Variants in ATXN8OS observed in about 807,000 individuals in gnomAD.
The protein encoded by ATXN8OS is ATXN8 opposite strand lncRNA, also known as ATXN8 opposite strand (non-protein coding).
At chr13:70,132,542 T>C (rs1593764583) in intron 3 of ATXN8OS, among the ~76,000 whole-genome samples, 1 of 151,882 alleles carries the variant, frequency 6.6e-6, no homozygotes, top group East Asian at 1.9e-4. Flanking sequence ...ACAGAATCAT[T>C]CTTATCCTAA....
At chr13:70,115,762 T>G (rs992689150) in intron 2 of ATXN8OS, among the ~76,000 whole-genome samples, 8 of 152,112 alleles carry the variant, frequency 5.3e-5, no homozygotes, top group African/African-American at 1.7e-4. Flanking sequence ...AGGAAACATA[T>G]AATACTTTTT....
intron 3 of ATXN8OS, among the ~76,000 whole-genome samples, chr13:70,146,485 T>C (rs920546565): frequency 2.6e-5 from 4 of 152,150 alleles, no homozygotes; most frequent in African/African-American, 9.7e-5. Context: ...TGTGTCACTA[T>C]TCACAATAGC....
chr13:70,124,534 T>G (rs1355819475), intron 2 of ATXN8OS, among the ~76,000 whole-genome samples: 2 of 151,990 alleles, frequency 1.3e-5, no homozygotes, highest in South Asian at 2.1e-4. Context: ...GGGAAGCAAT[T>G]GAAAAGACTT....
intron 4 of ATXN8OS, among the ~76,000 whole-genome samples, chr13:70,167,720 C>CTTTTTTTTTTTT (rs1356536326): frequency 1.1e-5 from 1 of 87,348 alleles, no homozygotes; most frequent in African/African-American, 4.5e-5. Context: ...ACATATGTAA[C>CTTTTTTTTTTTT]TTCTTTTTTT....
chr13:70,125,649 G>A (rs1006999117), intron 2 of ATXN8OS, among the ~76,000 whole-genome samples: 4 of 152,058 alleles, frequency 2.6e-5, no homozygotes, highest in Non-Finnish European at 5.9e-5. Flanking sequence ...GTGAGCTTTT[G>A]TTTTCTTTTA....
chr13:70,143,662 A>T (rs754859720), intron 3 of ATXN8OS, among the ~76,000 whole-genome samples: 1 of 152,106 alleles, frequency 6.6e-6, no homozygotes, highest in Non-Finnish European at 1.5e-5. Flanking sequence ...CCTCTGTTTT[A>T]TATTTTCTGC....
chr13:70,123,812 A>G (rs1888392715), intron 2 of ATXN8OS, among the ~76,000 whole-genome samples: 1 of 152,088 alleles, frequency 6.6e-6, no homozygotes, highest in Non-Finnish European at 1.5e-5. Flanking sequence ...CAAGGATCTC[A>G]CTTTTTGAAT....
rs147925405 is a variant in ATXN8OS at position 70,116,231 on chromosome 13, A to C, written n.398+933A>C. Among the ~76,000 whole-genome samples, 118 of 152,234 alleles carry C rather than the reference A, an allele frequency of 7.8e-4. 2 individuals carry two copies. In the East Asian group the frequency reaches 0.021, roughly 27 times the overall value. ...ATTCTTGAGGTGAGAGATAGAAACT[A>C]AAATTCAACAAATAGTAAGTGTATC... On this transcript the variant is annotated intron_variant and non_coding_transcript_variant, in intron 2 of 4. Transcript: ENST00000678624.
At chr13:70,147,259 C>T (rs1888798839) in intron 3 of ATXN8OS, among the ~76,000 whole-genome samples, 1 of 152,060 alleles carries the variant, frequency 6.6e-6, no homozygotes, top group African/African-American at 2.4e-5. Context: ...ATTAAACTTC[C>T]CATGATGTGA....
intron 1 of ATXN8OS, among the ~76,000 whole-genome samples, chr13:70,114,450 A>T (rs1043806408): frequency 3.3e-5 from 5 of 152,204 alleles, no homozygotes; most frequent in African/African-American, 4.8e-5. Flanking sequence ...AAGCATACAT[A>T]TAATTATTGA....
At position 70,139,377 on chromosome 13, in the gene ATXN8OS, A is replaced by ACTACTG. The variant is rs1555300507; in HGVS notation, n.500-7973_500-7972insGCTACT. Reference sequence around the variant, plus strand: ...TACTACTACTACTACTACTACTACTACTACTACTGCTGCTGCTGCTGCTGC... The same window carrying ACTACTG: ...TACTACTACTACTACTACTACTACTACTACTGCTACTACTGCTGCTGCTGCTGCTGC... On this transcript the variant is annotated intron_variant and non_coding_transcript_variant, in intron 3 of 4. Transcript: ENST00000678624. 9.3e-6 allele frequency: 6 copies of ACTACTG among 645,386 alleles called. 2 individuals are homozygous for ACTACTG. Among genetic ancestry groups the ACTACTG allele is most frequent in the South Asian group, 3.9e-5 (2 of 51,072 alleles). The allele number at this position is 645,386 out of a possible 1,614,324, so 40.0% of individuals were successfully genotyped here.
intron 3 of ATXN8OS, among the ~76,000 whole-genome samples, chr13:70,138,296 A>G (rs1003878249): frequency 1.4e-5 from 2 of 145,226 alleles, no homozygotes; most frequent in African/African-American, 5.1e-5. Flanking sequence ...GATAGCTCTG[A>G]TCCTGAAGAT....
At chr13:70,137,418 G>A (rs944126216) in intron 3 of ATXN8OS, among the ~76,000 whole-genome samples, 5 of 152,140 alleles carry the variant, frequency 3.3e-5, no homozygotes, top group African/African-American at 4.8e-5. Flanking sequence ...TATTTGCTAT[G>A]AAAGCACTGA....
At chr13:70,111,295 C>A (rs996119906) in intron 1 of ATXN8OS, among the ~76,000 whole-genome samples, 1 of 152,072 alleles carries the variant, frequency 6.6e-6, no homozygotes, top group Non-Finnish European at 1.5e-5. Context: ...TAATAGAAAA[C>A]CTGAAGGTGG....
chr13:70,109,989 TCA>T (rs1246484615), intron 1 of ATXN8OS, among the ~76,000 whole-genome samples: 1 of 152,182 alleles, frequency 6.6e-6, no homozygotes, highest in African/African-American at 2.4e-5. Flanking sequence ...CATTCACCAT[TCA>T]CAAACTGTAA....
intron 4 of ATXN8OS, among the ~76,000 whole-genome samples, chr13:70,155,772 ATT>A (rs34936703): frequency 4.2e-5 from 6 of 143,308 alleles, no homozygotes; most frequent in African/African-American, 7.7e-5. Flanking sequence ...ACAATATTCC[ATT>A]TTTTTTTTTG....
chr13:70,156,405 T>C (rs1888937096), intron 4 of ATXN8OS, among the ~76,000 whole-genome samples: 1 of 152,200 alleles, frequency 6.6e-6, no homozygotes. Flanking sequence ...TCATACACTA[T>C]AATCATTTTA....
chr13:70,142,187 A>C (rs1213647601), intron 3 of ATXN8OS, among the ~76,000 whole-genome samples: 1 of 152,112 alleles, frequency 6.6e-6, no homozygotes, highest in Admixed American at 6.5e-5. Context: ...CTTTGAACAC[A>C]TTTTAACATG....
At position 70,148,222 on chromosome 13, in the gene ATXN8OS, A is replaced by T. The variant is rs141760498; in HGVS notation, n.573+794A>T. 1.0e-3 allele frequency among the ~76,000 whole-genome samples: 157 copies of T among 152,246 alleles called. 1 individual carries two copies. The highest frequency in any genetic ancestry group is 3.7e-3 in the African/African-American group (154 of 41,564). On this transcript the variant is annotated intron_variant and non_coding_transcript_variant, in intron 4 of 4. Coordinates refer to ENST00000678624, the Ensembl canonical transcript of ATXN8OS. Reference sequence around the variant, plus strand: ...GGAAAAGACCTGCAAAGGGAAGGGGATTCTCTACAGAGTATAAAATTTCCC... The same window carrying T: ...GGAAAAGACCTGCAAAGGGAAGGGGTTTCTCTACAGAGTATAAAATTTCCC...
Sources: gnomAD v4.1 joint callset for allele counts (sites outside exome capture counted in the v4.1 genomes callset) on GRCh38, gnomAD v4.1.1 for gene constraint, MANE v1.5 for transcripts, NCBI Gene and HGNC (gene_info 2026-07-23, HGNC 2026-07-21) for gene names.